Variants in PPP1R1C observed in about 807,000 individuals in gnomAD.
PPP1R1C encodes protein phosphatase 1 regulatory inhibitor subunit 1C, also known as protein phosphatase 1 regulatory subunit 1C.
In PPP1R1C, 15 loss-of-function variants were observed where a neutral mutation model predicts 17.4. The observed-to-expected ratio is 0.86, with a 90% confidence interval of 0.58 to 1.33. The LOEUF (loss-of-function observed/expected upper bound fraction) is 1.33. Ranked by LOEUF, PPP1R1C falls within the 40% of genes most tolerant of loss-of-function variation. The pLI is 0.00. For missense variants in PPP1R1C, 143 were observed against 130.0 expected, an observed-to-expected ratio of 1.10 and a Z score of -0.48; for synonymous variants, 35 against 43.1, an observed-to-expected ratio of 0.81 and a Z score of 0.73.
At chr2:182,035,030 C>T (rs1316870511) in intron 2 of PPP1R1C, among the ~76,000 whole-genome samples, 2 of 152,166 alleles carry the variant, frequency 1.3e-5, no homozygotes, top group East Asian at 1.9e-4. Flanking sequence ...TTCCCAATAC[C>T]TAGCCCAGTG....
chr2:182,073,034 T>C (rs1345350759), intron 4 of PPP1R1C, among the ~76,000 whole-genome samples: 3 of 152,242 alleles, frequency 2.0e-5, no homozygotes, highest in Non-Finnish European at 2.9e-5. Flanking sequence ...CTTTTTTCCA[T>C]GCTGCAGCAA....
intron 2 of PPP1R1C, among the ~76,000 whole-genome samples, chr2:182,025,308 C>A (rs1030526595): frequency 1.4e-5 from 2 of 144,478 alleles, no homozygotes; most frequent in African/African-American, 5.1e-5. Flanking sequence ...GCTGCACCCA[C>A]TAACTCATCA....
intron 2 of PPP1R1C, among the ~76,000 whole-genome samples, chr2:181,989,768 G>A (rs1685405711): frequency 6.6e-6 from 1 of 151,936 alleles, no homozygotes; most frequent in Non-Finnish European, 1.5e-5. Flanking sequence ...GATGCAAATA[G>A]CATCTCACAG....
chr2:181,998,581 A>T (rs1045038705), intron 2 of PPP1R1C, among the ~76,000 whole-genome samples: 1 of 152,212 alleles, frequency 6.6e-6, no homozygotes, highest in Non-Finnish European at 1.5e-5. Flanking sequence ...GGCTTGATTA[A>T]AAGGAAACGA....
chr2:182,088,127 A>G (rs1046740904), intron 4 of PPP1R1C, among the ~76,000 whole-genome samples: 2 of 151,866 alleles, frequency 1.3e-5, no homozygotes, highest in African/African-American at 4.8e-5. Flanking sequence ...ATTTTGAAAA[A>G]TTTAAAGCCT....
chr2:181,968,469 T>C (rs1684946193), intron 1 of PPP1R1C, among the ~76,000 whole-genome samples: 1 of 152,224 alleles, frequency 6.6e-6, no homozygotes. Flanking sequence ...CTTTTTATAG[T>C]TTTTGTCTTG....
Position 182,057,708 on chromosome 2 carries a change from C to T in PPP1R1C, c.143-3734C>T, listed in dbSNP as rs1263426084. 2.6e-5 allele frequency among the ~76,000 whole-genome samples: 4 copies of T among 152,126 alleles called. No homozygotes were observed. In the East Asian group the frequency reaches 5.8e-4, roughly 22 times the overall value. ...CTTTGAAATATTCTCTTTGTAAGCT[C>T]ACTCTTGCCCTTCCTTATACCTCTT... On this transcript the variant is annotated intron_variant, in intron 2 of 4. Transcript: ENST00000682840.
chr2:182,024,889 CAAAA>C (rs952476594), intron 2 of PPP1R1C, among the ~76,000 whole-genome samples: 1 of 148,686 alleles, frequency 6.7e-6, no homozygotes, highest in Non-Finnish European at 1.5e-5. Flanking sequence ...AACAAACAAA[CAAAA>C]ATACTAGCAA....
At chr2:182,091,482 A>AT (rs200892500) in intron 4 of PPP1R1C, among the ~76,000 whole-genome samples, 1 of 124,226 alleles carries the variant, frequency 8.0e-6, no homozygotes, top group Admixed American at 8.6e-5. Flanking sequence ...CTTAAAAAAA[A>AT]AATAATAAAA....
chr2:182,001,826 C>A (rs1452819698), intron 2 of PPP1R1C, among the ~76,000 whole-genome samples: 1 of 152,048 alleles, frequency 6.6e-6, no homozygotes, highest in Non-Finnish European at 1.5e-5. Context: ...AATGATTGTA[C>A]GAGAAATCAC....
intron 4 of PPP1R1C, among the ~76,000 whole-genome samples, chr2:182,100,137 T>C (rs961726943): frequency 1.3e-5 from 2 of 152,176 alleles, no homozygotes; most frequent in African/African-American, 2.4e-5. Flanking sequence ...GAGGTAATGA[T>C]ACAGAAGAAA....
At chr2:182,020,195 T>C (rs1686376844) in intron 2 of PPP1R1C, among the ~76,000 whole-genome samples, 2 of 152,336 alleles carry the variant, frequency 1.3e-5, no homozygotes, top group South Asian at 4.1e-4. Flanking sequence ...GCTATTTTAG[T>C]ATATTTAAAA....
intron 2 of PPP1R1C, chr2:182,030,842 C>G (rs558175307): frequency 4.9e-4 from 77 of 158,306 alleles, no homozygotes; most frequent in African/African-American, 1.8e-3. Flanking sequence ...TGATCTCAGA[C>G]TGCTGTGCTA....
intron 2 of PPP1R1C, among the ~76,000 whole-genome samples, chr2:182,032,934 A>G (rs536060722): frequency 3.3e-5 from 5 of 152,278 alleles, no homozygotes; most frequent in African/African-American, 1.2e-4. Context: ...CCCTTCAGAG[A>G]CAAACTTCTT....
chr2:182,070,282 A>G (rs1688104702), intron 4 of PPP1R1C, among the ~76,000 whole-genome samples: 1 of 152,216 alleles, frequency 6.6e-6, no homozygotes. Context: ...CTTGTGAAGC[A>G]TTTAAGATGA....
chr2:181,960,196 A>G lies in PPP1R1C; in HGVS notation n.111+5562A>G, dbSNP rs541420822. Among the ~76,000 whole-genome samples, 40 of 152,366 alleles carry G rather than the reference A, an allele frequency of 2.6e-4. 1 individual carries two copies. The South Asian group carries it at 7.9e-3, about 30-fold the overall frequency. ...GTAAGTCATTAAGACGTGGTGGTTG[A>G]AAGAAAGAAAACCAAAAATTATAGT... On this transcript the variant is annotated intron_variant and non_coding_transcript_variant, in intron 1 of 5. Coordinates refer to the PPP1R1C transcript ENST00000464264.
intron 4 of PPP1R1C, among the ~76,000 whole-genome samples, chr2:182,101,279 C>T (rs1689091655): frequency 6.6e-6 from 1 of 152,148 alleles, no homozygotes; most frequent in Non-Finnish European, 1.5e-5. Context: ...TCTGAGAATA[C>T]ACAGAAACAA....
At chr2:182,084,818 T>C (rs1360504508) in intron 4 of PPP1R1C, among the ~76,000 whole-genome samples, 1 of 152,166 alleles carries the variant, frequency 6.6e-6, no homozygotes, top group Non-Finnish European at 1.5e-5. Flanking sequence ...TGATAGGAAT[T>C]GCATTGAGTC....
At chr2:182,107,501 G>A (rs1689288904) in intron 4 of PPP1R1C, among the ~76,000 whole-genome samples, 2 of 152,134 alleles carry the variant, frequency 1.3e-5, no homozygotes, top group Non-Finnish European at 2.9e-5. Context: ...ACATTGTAGA[G>A]ACGGAACGAA....
Sources: allele counts gnomAD v4.1 joint callset (sites outside exome capture counted in the v4.1 genomes callset), GRCh38; gene constraint gnomAD v4.1.1; transcripts MANE v1.5; gene names NCBI Gene and HGNC (gene_info 2026-07-23, HGNC 2026-07-21).